IGBP1: variants seen among roughly 807,000 people sequenced by gnomAD.
IGBP1 encodes immunoglobulin binding protein 1.
A neutral mutation model predicts 25.9 loss-of-function variants in IGBP1; 2 were observed. That is an observed-to-expected ratio of 0.08 (90% CI 0.03 to 0.24). The LOEUF (loss-of-function observed/expected upper bound fraction) is 0.24. Ranked by LOEUF, IGBP1 falls within the 10% of genes least tolerant of loss-of-function variation. The pLI is 1.00. For synonymous variants in IGBP1, 96 were observed against 93.4 expected, an observed-to-expected ratio of 1.03 and a Z score of -0.16; for missense variants, 187 against 260.4, an observed-to-expected ratio of 0.72 and a Z score of 1.94.
chrX:70,165,688 G>T, intron 6 of IGBP1, 145 bp from the exon 7 acceptor site: 2 of 524,997 alleles, frequency 3.8e-6, no homozygotes, highest in Non-Finnish European at 6.7e-6. Flanking sequence ...TTCTCTCCCC[G>T]CTTCCGCCGG....
chrX:70,143,160 G>A (rs144062922), intron 3 of IGBP1, among the ~76,000 whole-genome samples: 8,020 of 110,742 alleles, frequency 0.072, 328 homozygotes, highest in Non-Finnish European at 0.1. Flanking sequence ...CTGACCTTGT[G>A]ATCCACCCAC....
At chrX:70,135,083 C>T (rs1430830488) in intron 3 of IGBP1, among the ~76,000 whole-genome samples, 1 of 112,293 alleles carries the variant, frequency 8.9e-6, no homozygotes, top group Admixed American at 9.4e-5. Flanking sequence ...CCAACCTTTT[C>T]CACATCACAT....
rs1269700844 is a variant in IGBP1, at chrX:70,134,602, A to T, written c.268A>T (p.Met90Leu). Residue 90 changes from methionine (M) to leucine (L), a missense_variant, in exon 3 of 7, where the codon ATG becomes TTG. Transcript: ENST00000356413. ...GCCAGCGTTTCAAGGAGCCCTCACCATGAAACAAGTCAACCCCAGCAAGCG... is the reference window on the plus strand; with the variant it reads ...GCCAGCGTTTCAAGGAGCCCTCACCTTGAAACAAGTCAACCCCAGCAAGCG... ...LVPAFQGALT[M>L]KQVNPSKRLD... is the part of the protein sequence containing the mutation. 3.3e-6 allele frequency: 4 copies of T among 1,209,638 alleles called. No homozygotes were observed. The highest frequency in any genetic ancestry group is 4.5e-6 in the Non-Finnish European group (4 of 894,569).
chrX:70,141,284 T>C (rs778081739), intron 3 of IGBP1, among the ~76,000 whole-genome samples: 27 of 108,959 alleles, frequency 2.5e-4, no homozygotes, highest in Non-Finnish European at 4.4e-4. Context: ...GAGGTGGAGG[T>C]TGCCATGAGC....
intron 3 of IGBP1, among the ~76,000 whole-genome samples, chrX:70,138,480 CA>C (rs35566042): frequency 3.6e-3 from 195 of 54,466 alleles, no homozygotes; most frequent in African/African-American, 0.014. Flanking sequence ...GACCCTGTCT[CA>C]AAAAAAAAAA....
At chrX:70,139,366 A>G (rs1402339540) in intron 3 of IGBP1, among the ~76,000 whole-genome samples, 1 of 111,815 alleles carries the variant, frequency 8.9e-6, no homozygotes, top group Non-Finnish European at 1.9e-5. Flanking sequence ...TTGGGCAAAC[A>G]GAAAGTATCT....
At chrX:70,154,497 G>A (rs1232618791) in intron 6 of IGBP1, among the ~76,000 whole-genome samples, 1 of 107,657 alleles carries the variant, frequency 9.3e-6, no homozygotes, top group African/African-American at 3.4e-5. Flanking sequence ...CCTGGGAGAA[G>A]ATACTTGCAA....
intron 3 of IGBP1, among the ~76,000 whole-genome samples, chrX:70,146,200 T>C (rs1432952250): frequency 3.6e-5 from 4 of 111,882 alleles, no homozygotes; most frequent in African/African-American, 9.7e-5. Flanking sequence ...TTAGGCTGTT[T>C]CACAAGGCAT....
chrX:70,133,675 A>G (rs1374004726), intron 1 of IGBP1, 48 bp from the exon 2 acceptor site: 2 of 426,752 alleles, frequency 4.7e-6, no homozygotes, highest in Non-Finnish European at 8.1e-6. Context: ...CGAGGAGCTC[A>G]TGGTAAAACA....
intron 3 of IGBP1, among the ~76,000 whole-genome samples, chrX:70,139,648 A>G (rs2085118448): frequency 8.9e-6 from 1 of 111,878 alleles, no homozygotes; most frequent in Non-Finnish European, 1.9e-5. Context: ...TTTTTAAACC[A>G]GAAACCTAGG....
intron 3 of IGBP1, 102 bp from the exon 4 acceptor site, chrX:70,146,531 T>C (rs2085167555): frequency 3.0e-6 from 2 of 657,851 alleles, no homozygotes; most frequent in Non-Finnish European, 5.0e-6. Flanking sequence ...TTGGTATGCT[T>C]ACTACCCTAT....
At chrX:70,136,036 A>G (rs982926260) in intron 3 of IGBP1, among the ~76,000 whole-genome samples, 6 of 111,995 alleles carry the variant, frequency 5.4e-5, no homozygotes, top group Non-Finnish European at 7.5e-5. Context: ...AGTTAGCCCA[A>G]TGTTTGACAC....
intron 6 of IGBP1, among the ~76,000 whole-genome samples, chrX:70,154,310 G>A (rs1220968431): frequency 1.9e-5 from 2 of 106,319 alleles, no homozygotes; most frequent in African/African-American, 6.9e-5. Context: ...CTGACCTTGT[G>A]ATCCGCCCGC....
At chrX:70,138,436 G>A (rs1005733747) in intron 3 of IGBP1, among the ~76,000 whole-genome samples, 2 of 91,587 alleles carry the variant, frequency 2.2e-5, no homozygotes, top group Non-Finnish European at 4.1e-5. Flanking sequence ...AGCTGTGATC[G>A]CACCATTGTA....
intron 5 of IGBP1, 97 bp from the exon 6 acceptor site, chrX:70,150,113 A>G: frequency 1.8e-6 from 1 of 541,341 alleles, no homozygotes; most frequent in South Asian, 2.5e-5. Flanking sequence ...ACGGACACAG[A>G]CTTTGTTGTT....
intron 1 of IGBP1, 84 bp downstream of exon 1, chrX:70,133,624 G>C (rs963606781): frequency 1.1e-4 from 44 of 403,703 alleles, no homozygotes; most frequent in Non-Finnish European, 1.6e-4. Context: ...GCCTCACCCG[G>C]GCTTCAGAGC....
At chrX:70,138,480 CAA>C (rs35566042) in intron 3 of IGBP1, among the ~76,000 whole-genome samples, 3 of 54,470 alleles carry the variant, frequency 5.5e-5, no homozygotes, top group African/African-American at 7.6e-5. Flanking sequence ...GACCCTGTCT[CAA>C]AAAAAAAAAA....
Position 70,148,827 on chromosome X carries a change from A to G in IGBP1, c.745A>G (p.Met249Val), listed in dbSNP as rs2085183799. ...PVKPFILTRN[M>V]AQAKVFGAGY... is the part of the protein sequence containing the mutation. ...GAAACCCTTCATTCTCACTCGGAAC[A>G]TGGCTCAAGCCAAGTAGGTAGTACT... The change falls in exon 5 of 7, where the codon ATG (methionine) becomes GTG (valine). Residue 249 changes from methionine (M) to valine (V), a missense_variant. Physicochemically the swap from Met to Val is conservative, Grantham distance 21 (BLOSUM62 1). Transcript: ENST00000356413. The G allele has an allele frequency of 1.7e-6, 2 of 1,196,604 alleles. No individual in the cohort carries two copies. Among genetic ancestry groups the G allele is most frequent in the Non-Finnish European group, 2.3e-6 (2 of 881,612 alleles).
intron 6 of IGBP1, among the ~76,000 whole-genome samples, chrX:70,153,698 G>A (rs775552460): frequency 3.9e-4 from 44 of 111,786 alleles, no homozygotes; most frequent in Non-Finnish European, 6.8e-4. Flanking sequence ...CAACTGGGTG[G>A]TCCTAGCTCA....
Sources: allele counts gnomAD v4.1 joint callset (sites outside exome capture counted in the v4.1 genomes callset), GRCh38; gene constraint gnomAD v4.1.1; transcripts MANE v1.5; gene names NCBI Gene and HGNC (gene_info 2026-07-23, HGNC 2026-07-21).